Variants in CADM2 observed in about 807,000 individuals in gnomAD.
CADM2 encodes the protein cell adhesion molecule 2.
CADM2 carries 12 observed loss-of-function variants against 49.8 expected under a neutral mutation model. The ratio of observed to expected loss-of-function variants is 0.24; its 90% CI spans 0.15 to 0.39. The LOEUF (loss-of-function observed/expected upper bound fraction) is 0.39. CADM2 is among the 10% of genes least tolerant of loss of function. CADM2 has a pLI of 1.00. For missense variants in CADM2, 378 were observed against 492.3 expected (o/e 0.77, Z 2.20); for synonymous variants, 214 against 175.4 (o/e 1.22, Z -1.74).
In CADM2 at chr3:85,281,385, C is replaced by T. The variant is rs142325923; in HGVS notation, c.61+321717C>T. On this transcript the variant is annotated intron_variant, in intron 1 of 9. Transcript: ENST00000383699. ...CAGATTATTTTAATTATAAACATTT[C>T]TGTCGATCAAACCTATTCTGGAGGT... Among the ~76,000 whole-genome samples the T allele has an allele frequency of 5.4e-3, 816 of 152,046 alleles. 7 individuals are homozygous for T. Among genetic ancestry groups the T allele is most frequent in the Middle Eastern group, 0.017 (5 of 288 alleles).
chr3:85,557,515 T>C (rs1167660571), intron 1 of CADM2, among the ~76,000 whole-genome samples: 2 of 151,732 alleles, frequency 1.3e-5, no homozygotes, highest in Admixed American at 6.6e-5. Context: ...ATATGTATTT[T>C]ACTAATGTAA....
chr3:85,370,557 A>T (rs1448870929), intron 1 of CADM2, among the ~76,000 whole-genome samples: 2 of 152,202 alleles, frequency 1.3e-5, no homozygotes, highest in African/African-American at 4.8e-5. Context: ...ATGAAAACAA[A>T]CCTACTGTGT....
intron 2 of CADM2, among the ~76,000 whole-genome samples, chr3:85,737,564 T>TTC (rs1288568971): frequency 2.7e-5 from 4 of 148,664 alleles, no homozygotes; most frequent in South Asian, 2.2e-4. Flanking sequence ...TTTTCTTTCT[T>TTC]TTTTTTTTTT....
chr3:85,568,960 A>G (rs921005112), intron 1 of CADM2, among the ~76,000 whole-genome samples: 3 of 152,028 alleles, frequency 2.0e-5, no homozygotes, highest in African/African-American at 7.2e-5. Flanking sequence ...TTTTAATCAA[A>G]CGTCTCAATT....
At chr3:85,988,801 G>A (rs35259978) in intron 8 of CADM2, among the ~76,000 whole-genome samples, 46,355 of 152,012 alleles carry the variant, frequency 0.3, 8,361 homozygotes, top group East Asian at 0.4. Context: ...TTAGAAAAAA[G>A]AGATGGACTC....
intron 1 of CADM2, among the ~76,000 whole-genome samples, chr3:85,712,754 C>T (rs1305023879): frequency 1.3e-5 from 2 of 151,876 alleles, no homozygotes; most frequent in East Asian, 3.9e-4. Context: ...TCCCCAAATA[C>T]TATTCATGTT....
intron 8 of CADM2, among the ~76,000 whole-genome samples, chr3:85,999,051 A>C (rs567861361): frequency 6.6e-6 from 1 of 152,202 alleles, no homozygotes; most frequent in Non-Finnish European, 1.5e-5. Flanking sequence ...ATTCCATTTA[A>C]ACATGCAGAG....
At chr3:85,877,411 C>A (rs1235394594) in intron 3 of CADM2, among the ~76,000 whole-genome samples, 1 of 151,890 alleles carries the variant, frequency 6.6e-6, no homozygotes, top group East Asian at 1.9e-4. Flanking sequence ...AATTCATTTC[C>A]ACTGACAATA....
At chr3:85,334,796 C>T (rs1372075144) in intron 1 of CADM2, among the ~76,000 whole-genome samples, 1 of 151,188 alleles carries the variant, frequency 6.6e-6, no homozygotes, top group Admixed American at 6.6e-5. Flanking sequence ...AATATTGAGG[C>T]TAAATTAAAA....
intron 1 of CADM2, among the ~76,000 whole-genome samples, chr3:85,182,496 G>A (rs2040961012): frequency 6.6e-6 from 1 of 151,892 alleles, no homozygotes; most frequent in African/African-American, 2.4e-5. Context: ...CCAAATTGAG[G>A]GACATTCTAC....
Position 85,756,723 on chromosome 3 carries a change from T to A in CADM2, c.88+30175T>A, listed in dbSNP as rs558780426. On this transcript the variant is annotated intron_variant, in intron 2 of 9. Coordinates refer to ENST00000383699, the MANE Select transcript of CADM2 (RefSeq NM_001167675.2). The stretch of plus-strand genomic sequence containing the variant: ...TTTCAAATTATCTCAGCATAGATAT[T>A]AAGATTATATTACTAACTTTTTAGT... Among the ~76,000 whole-genome samples, 18 of 152,308 alleles carry A rather than the reference T, an allele frequency of 1.2e-4. No homozygotes were observed. The East Asian group carries it at 1.7e-3, about 15-fold the overall frequency.
At chr3:85,948,758 A>C (rs1723044131) in intron 7 of CADM2, among the ~76,000 whole-genome samples, 1 of 151,588 alleles carries the variant, frequency 6.6e-6, no homozygotes, top group South Asian at 2.1e-4. Context: ...AAACAATGCC[A>C]GTGTTTAAAA....
intron 1 of CADM2, among the ~76,000 whole-genome samples, chr3:85,531,323 A>G (rs1288906588): frequency 6.6e-6 from 1 of 152,182 alleles, no homozygotes; most frequent in African/African-American, 2.4e-5. Flanking sequence ...AGACATAAAG[A>G]CACTTATTTG....
intron 1 of CADM2, among the ~76,000 whole-genome samples, chr3:85,216,315 A>G (rs934784372): frequency 1.4e-5 from 2 of 146,962 alleles, no homozygotes; most frequent in Admixed American, 6.8e-5. Flanking sequence ...TATATTTAAC[A>G]TATTAATATA....
At chr3:85,606,140 G>C (rs1178201752) in intron 1 of CADM2, among the ~76,000 whole-genome samples, 1 of 152,024 alleles carries the variant, frequency 6.6e-6, no homozygotes, top group Non-Finnish European at 1.5e-5. Flanking sequence ...TTTCTTCTTG[G>C]AACAACCTTT....
intron 1 of CADM2, among the ~76,000 whole-genome samples, chr3:85,440,203 G>T (rs1009684100): frequency 2.0e-5 from 3 of 152,080 alleles, no homozygotes; most frequent in African/African-American, 7.2e-5. Context: ...CCCTTGATTT[G>T]CTTCCCAATC....
intron 1 of CADM2, among the ~76,000 whole-genome samples, chr3:85,569,606 A>G (rs1300249480): frequency 1.3e-5 from 2 of 149,874 alleles, no homozygotes; most frequent in African/African-American, 2.4e-5. Flanking sequence ...TGAATATTTT[A>G]TTTTAGCATT....
intron 1 of CADM2, among the ~76,000 whole-genome samples, chr3:85,604,372 A>G (rs922859213): frequency 1.3e-5 from 2 of 151,786 alleles, no homozygotes; most frequent in African/African-American, 4.8e-5. Context: ...CTACCACCTA[A>G]TCCTTTGATT....
intron 1 of CADM2, among the ~76,000 whole-genome samples, chr3:85,668,193 C>T (rs960638756): frequency 6.7e-6 from 1 of 149,040 alleles, no homozygotes; most frequent in African/African-American, 2.5e-5. Flanking sequence ...CATCCTCCTT[C>T]TGATAGCAAA....
Sources: gnomAD v4.1 joint callset for allele counts (sites outside exome capture counted in the v4.1 genomes callset) on GRCh38, gnomAD v4.1.1 for gene constraint, MANE v1.5 for transcripts, NCBI Gene and HGNC (gene_info 2026-07-23, HGNC 2026-07-21) for gene names.